ZNF292: variants seen among roughly 807,000 people sequenced by gnomAD.
ZNF292 encodes the protein 16 zinc-finger domain protein.
A neutral mutation model predicts 217.9 loss-of-function variants in ZNF292; 26 were observed. The observed-to-expected ratio is 0.12, with a 90% CI of 0.09 to 0.17. The LOEUF is 0.17. ZNF292 is among the 10% of genes least tolerant of loss of function. The pLI, the probability that ZNF292 is intolerant of heterozygous loss-of-function variation, is 1.00. For synonymous variants in ZNF292, 1,257 were observed against 1,124.1 expected (o/e 1.12, Z -2.37); for missense variants, 2,904 against 3,175.2 (o/e 0.91, Z 2.05).
intron 7 of ZNF292, among the ~76,000 whole-genome samples, chr6:87,252,676 C>T (rs958429471): frequency 6.6e-6 from 1 of 152,132 alleles, no homozygotes. Context: ...GCTTCACAGA[C>T]CACAGGTGAT....
rs1775740232 is a variant in ZNF292 at position 87,264,169 on chromosome 6, A to C, written c.*2368A>C. The C allele has an allele frequency of 6.6e-6, 1 of 152,198 alleles. No individual in the cohort carries two copies. Among genetic ancestry groups the C allele is most frequent in the Non-Finnish European group, 1.5e-5 (1 of 68,010 alleles). The allele number at this position is 152,198 out of a possible 1,614,324, so 9.4% of individuals were successfully genotyped here. Reference sequence around the variant, plus strand: ...GGAATGTAATGTCTAAGTATTAAAAAATCATAAAATATATTTTTTTCATGG... The same window carrying C: ...GGAATGTAATGTCTAAGTATTAAAACATCATAAAATATATTTTTTTCATGG... On this transcript the variant is annotated 3_prime_UTR_variant, in exon 8 of 8. Transcript: ENST00000369577.
chr6:87,223,108 TCTCA>T (rs1469696176), intron 4 of ZNF292: 1 of 198,112 alleles, frequency 5.0e-6, no homozygotes, highest in East Asian at 1.2e-4. Flanking sequence ...AGAAAGGGTC[TCTCA>T]CTCCATCACT....
At position 87,257,782 on chromosome 6, in the gene ZNF292, ACTAATC is replaced by A; in HGVS notation, c.4155_4160del (p.Asn1386_Pro1387del). ...CTGTAGCAGGTGTTACAGGGCTTTTACTAATCCCAGATCACTGGGTGGGCACTTATC... is the reference window on the plus strand; with the variant it reads ...CTGTAGCAGGTGTTACAGGGCTTTTACCAGATCACTGGGTGGGCACTTATC... On this transcript the variant is annotated inframe_deletion, in exon 8 of 8. Transcript: ENST00000369577. 6.2e-7 allele frequency: 1 copy of A among 1,613,824 alleles called. No individual in the cohort carries two copies. Among genetic ancestry groups the A allele is most frequent in the South Asian group, 1.1e-5 (1 of 91,078 alleles).
rs1775514577 is a variant in ZNF292 at position 87,260,564 on chromosome 6, A to C, written c.6935A>C (p.Lys2312Thr). The C allele has an allele frequency of 6.8e-6, 11 of 1,613,302 alleles. No homozygotes were observed. Among genetic ancestry groups the C allele is most frequent in the Non-Finnish European group, 9.3e-6 (11 of 1,179,682 alleles). ...AGCAAGGCAAACCAAGAAAAATCAA[A>C]GTCTAAACATCGGGGGACCAAGCAC... Reference protein sequence around the residue: ...MSSKANQEKSKSKHRGTKHSR... With the variant: ...MSSKANQEKSTSKHRGTKHSR... The change falls in exon 8 of 8, where the codon AAG becomes ACG. Residue 2312 changes from lysine to threonine, a missense_variant. Transcript: ENST00000369577.
At chr6:87,216,137 ACACACACACACACACACAC>A in intron 2 of ZNF292, 80 bp downstream of exon 2, 1 of 808,690 alleles carries the variant, frequency 1.2e-6, no homozygotes, top group Non-Finnish European at 1.7e-6. Context: ...ACACACACAC[ACACACACACACACACACAC>A]AACATTAAAT....
At chr6:87,215,782 C>G in intron 1 of ZNF292, 121 bp from the exon 2 acceptor site, 1 of 696,506 alleles carries the variant, frequency 1.4e-6, no homozygotes, top group Non-Finnish European at 2.2e-6. Context: ...ATATAAACTA[C>G]TTTTTGTTTT....
At chr6:87,238,853 G>C (rs916936818) in intron 5 of ZNF292, among the ~76,000 whole-genome samples, 3 of 150,822 alleles carry the variant, frequency 2.0e-5, no homozygotes, top group African/African-American at 7.3e-5. Context: ...TGTGTCCCTG[G>C]ATACTTGAGA....
chr6:87,217,454 C>T (rs949537271), intron 3 of ZNF292, among the ~76,000 whole-genome samples: 3 of 151,940 alleles, frequency 2.0e-5, no homozygotes, highest in South Asian at 2.1e-4. Flanking sequence ...TTCGGATATC[C>T]GTAACTTGTA....
intron 1 of ZNF292, among the ~76,000 whole-genome samples, chr6:87,177,579 A>G (rs1771343106): frequency 1.3e-5 from 2 of 152,172 alleles, no homozygotes; most frequent in African/African-American, 4.8e-5. Flanking sequence ...CTATACTGTC[A>G]CTAAGATTAT....
intron 1 of ZNF292, chr6:87,170,392 A>ATC (rs1771061594): frequency 2.0e-5 from 3 of 152,336 alleles, no homozygotes. Flanking sequence ...CAGCATGAAG[A>ATC]TATTTTGTAG....
chr6:87,218,796 G>GT (rs1221348292), intron 4 of ZNF292, 65 bp downstream of exon 4: 4 of 1,466,128 alleles, frequency 2.7e-6, no homozygotes, highest in South Asian at 1.4e-5. Flanking sequence ...TGTTAAAGTT[G>GT]TTTTGATATA....
chr6:87,204,554 ATTTTTTTTTT>A lies in ZNF292; in HGVS notation c.169-11332_169-11323del, dbSNP rs68087857. ...TAGGATTTGGTTGGTAACATTTAGGATTTTTTTTTTTTTTTTTTTTTTTTTTGATACTAAG... is the reference window on the plus strand; with the variant it reads ...TAGGATTTGGTTGGTAACATTTAGGATTTTTTTTTTTTTTTTGATACTAAG... On this transcript the variant is annotated intron_variant, in intron 1 of 7. Transcript: ENST00000369577. Among the ~76,000 whole-genome samples, 260 of 63,640 alleles carry A rather than the reference ATTTTTTTTTT, an allele frequency of 4.1e-3. 1 individual carries two copies. The highest frequency in any genetic ancestry group is 4.5e-3 in the Non-Finnish European group (165 of 36,770). 41.8% of individuals were successfully genotyped at this position (63,640 alleles called of 152,430 possible). A position where few individuals can be genotyped will look rare whatever the true frequency, so the allele number is the denominator to read the frequency against.
At position 87,265,717 on chromosome 6, in the gene ZNF292, A is replaced by G. The variant is rs1198831888; in HGVS notation, c.*3916A>G. On this transcript the variant is annotated 3_prime_UTR_variant, in exon 8 of 8. Transcript: ENST00000369577. The stretch of plus-strand genomic sequence containing the variant: ...TTGGGAAATGCTGATCTCAAATGGC[A>G]TTTATTCAACCAGGACTGATAATCA... Among the ~76,000 whole-genome samples, 5 of 152,206 alleles carry G rather than the reference A, an allele frequency of 3.3e-5. No homozygotes were observed. The highest frequency in any genetic ancestry group is 7.2e-5 in the African/African-American group (3 of 41,464).
chr6:87,208,624 C>G (rs114006707), intron 1 of ZNF292, among the ~76,000 whole-genome samples: 2 of 151,870 alleles, frequency 1.3e-5, no homozygotes, highest in African/African-American at 2.4e-5. Flanking sequence ...GTTTTGATTT[C>G]TCTCAACATT....
At chr6:87,242,691 C>A (rs1774353931) in intron 5 of ZNF292, among the ~76,000 whole-genome samples, 1 of 152,148 alleles carries the variant, frequency 6.6e-6, no homozygotes, top group Admixed American at 6.5e-5. Flanking sequence ...TGCTGTTTGT[C>A]AGATCCCTTG....
chr6:87,196,027 CAA>C (rs147308020), intron 1 of ZNF292, among the ~76,000 whole-genome samples: 4 of 95,790 alleles, frequency 4.2e-5, no homozygotes, highest in African/African-American at 1.1e-4. Flanking sequence ...GACTCCGTCT[CAA>C]AAAAAAAAAA....
chr6:87,162,180 TG>T (rs1229329044), intron 1 of ZNF292, among the ~76,000 whole-genome samples: 1 of 152,190 alleles, frequency 6.6e-6, no homozygotes, highest in Non-Finnish European at 1.5e-5. Context: ...AGGTACTATT[TG>T]AGCTAGTCTT....
rs1775364364 is a variant in ZNF292, at chr6:87,258,464, C to T, written c.4835C>T (p.Pro1612Leu). The T allele has an allele frequency of 6.2e-7, 1 of 1,613,596 alleles. No homozygotes were observed. Among genetic ancestry groups the T allele is most frequent in the African/African-American group, 1.3e-5 (1 of 75,002 alleles). ...NSSRVSVISG[P>L]QNTRSSHLNK... is the part of the protein sequence containing the mutation. Reference sequence around the variant, plus strand: ...TCTCGTGTTTCTGTTATAAGTGGTCCTCAGAACACAAGATCCAGTCATTTA... The same window carrying T: ...TCTCGTGTTTCTGTTATAAGTGGTCTTCAGAACACAAGATCCAGTCATTTA... The change falls in exon 8 of 8, where the codon CCT becomes CTT. Residue 1612 changes from proline (P) to leucine (L), a missense_variant. Transcript: ENST00000369577.
intron 1 of ZNF292, among the ~76,000 whole-genome samples, chr6:87,212,714 C>G (rs1389771391): frequency 1.3e-5 from 2 of 152,190 alleles, no homozygotes; most frequent in Admixed American, 6.5e-5. Flanking sequence ...CTTGTATAAT[C>G]TTTCCTAGTT....
Sources: gnomAD v4.1 joint callset for allele counts (sites outside exome capture counted in the v4.1 genomes callset) on GRCh38, gnomAD v4.1.1 for gene constraint, MANE v1.5 for transcripts, NCBI Gene and HGNC (gene_info 2026-07-23, HGNC 2026-07-21) for gene names.